XKR6: variants seen among roughly 807,000 people sequenced by gnomAD.
XKR6 encodes the protein XK related 6.
A neutral mutation model predicts 56.7 loss-of-function variants in XKR6; 22 were observed. That is an observed-to-expected ratio of 0.39 (90% CI 0.28 to 0.55). The LOEUF (loss-of-function observed/expected upper bound fraction) is 0.55, where lower values mean the gene tolerates loss of function less well. Ranked by LOEUF, XKR6 falls within the 20% of genes least tolerant of loss-of-function variation. The pLI is 0.66. For synonymous variants in XKR6, 524 were observed against 387.8 expected (o/e 1.35, Z -4.13); for missense variants, 852 against 889.0 (o/e 0.96, Z 0.53).
At chr8:11,128,059 G>A (rs1414624432) in intron 1 of XKR6, among the ~76,000 whole-genome samples, 1 of 152,176 alleles carries the variant, frequency 6.6e-6, no homozygotes, top group Middle Eastern at 3.2e-3. Flanking sequence ...GAAGAGTTAA[G>A]CCATCAAAAT....
rs1009517481 is a variant in XKR6 at position 11,200,509 on chromosome 8, C to A, written c.764+67G>T. ...TGGGCCCTTTCGAGGGGCCGCCCCGCGAAGCACCGGGAGGGCGGAGGGGGG... is the reference window on the plus strand; with the variant it reads ...TGGGCCCTTTCGAGGGGCCGCCCCGAGAAGCACCGGGAGGGCGGAGGGGGG... On this transcript the variant is annotated intron_variant, in intron 1 of 2. Transcript: ENST00000416569. The surrounding 1 kb of genome is among the most constrained non-coding windows in gnomAD (Gnocchi z 6.4). The A allele has an allele frequency of 5.8e-6, 8 of 1,379,604 alleles. No homozygotes were observed. Among genetic ancestry groups the A allele is most frequent in the South Asian group, 5.3e-5 (3 of 56,108 alleles). 85.5% of individuals were successfully genotyped at this position (1,379,604 alleles called of 1,614,324 possible).
chr8:11,075,000 G>C (rs1430358917), intron 1 of XKR6, among the ~76,000 whole-genome samples: 1 of 152,170 alleles, frequency 6.6e-6, no homozygotes, highest in East Asian at 1.9e-4. Flanking sequence ...GCAGAGCCTG[G>C]GGAGAGGAGA....
chr8:11,031,146 G>A (rs1248441255), intron 1 of XKR6, among the ~76,000 whole-genome samples: 1 of 152,188 alleles, frequency 6.6e-6, no homozygotes, highest in African/African-American at 2.4e-5. Context: ...ACCAGAGGTG[G>A]GCTCCTGATC....
chr8:10,924,658 T>G lies in XKR6; in HGVS notation c.937A>C (p.Lys313Gln). The stretch of plus-strand genomic sequence containing the variant: ...CAGGGCAGGGTCTCGGCGCTGTTCT[T>G]CTGGAGCATGATGTAGAGCTGTAGC... The part of the protein sequence containing the change: ...LVLQLYIMLQ[K>Q]NSAETLPCVS... The change falls in exon 2 of 3, where the codon AAG becomes CAG. Residue 313 changes from lysine to glutamine, a missense_variant. Transcript: ENST00000416569. 1.9e-6 allele frequency: 3 copies of G among 1,609,586 alleles called. No homozygotes were observed. The highest frequency in any genetic ancestry group is 2.5e-6 in the Non-Finnish European group (3 of 1,177,476).
intron 1 of XKR6, among the ~76,000 whole-genome samples, chr8:10,951,691 G>C (rs1406786659): frequency 2.0e-5 from 3 of 152,234 alleles, no homozygotes; most frequent in Admixed American, 6.5e-5. Context: ...GGGGATCTGG[G>C]AGGCGCTGCC....
At chr8:11,193,536 T>C (rs1052619396) in intron 1 of XKR6, among the ~76,000 whole-genome samples, 1 of 152,210 alleles carries the variant, frequency 6.6e-6, no homozygotes, top group African/African-American at 2.4e-5. Context: ...CCATCTTTCC[T>C]AAAAATTCGA....
chr8:11,132,667 T>C (rs1800162799), intron 1 of XKR6, among the ~76,000 whole-genome samples: 1 of 152,014 alleles, frequency 6.6e-6, no homozygotes, highest in Non-Finnish European at 1.5e-5. Flanking sequence ...TGGTCAACTT[T>C]GTTACTTAAA....
intron 1 of XKR6, among the ~76,000 whole-genome samples, chr8:11,016,070 C>T (rs925817090): frequency 6.6e-6 from 1 of 152,198 alleles, no homozygotes; most frequent in Non-Finnish European, 1.5e-5. Context: ...ACTGCGCCCC[C>T]ACAAGCCCCG....
At chr8:10,969,861 G>A (rs938275602) in intron 1 of XKR6, among the ~76,000 whole-genome samples, 1 of 152,238 alleles carries the variant, frequency 6.6e-6, no homozygotes, top group African/African-American at 2.4e-5. Flanking sequence ...TTTATTTGCA[G>A]TGCAGCCCGA....
At chr8:11,033,264 G>T (rs767567947) in intron 1 of XKR6, among the ~76,000 whole-genome samples, 11 of 152,014 alleles carry the variant, frequency 7.2e-5, no homozygotes, top group Non-Finnish European at 1.6e-4. Flanking sequence ...TGCTAATGAT[G>T]ATGATGGCGA....
intron 1 of XKR6, among the ~76,000 whole-genome samples, chr8:10,964,048 G>A (rs1274744311): frequency 6.6e-6 from 1 of 152,158 alleles, no homozygotes; most frequent in Non-Finnish European, 1.5e-5. Context: ...TCTCAGCCCT[G>A]GGCCACCAAC....
chr8:10,897,669 T>G lies in XKR6; in HGVS notation c.*283A>C, dbSNP rs1250229214. On this transcript the variant is annotated 3_prime_UTR_variant, in exon 3 of 3. Coordinates refer to ENST00000416569, the MANE Select transcript of XKR6 (RefSeq NM_173683.4). ...ACCATAGCGTGGGATTTTTCAATAC[T>G]GTTTCTTATGTGTAAAAAACAAAAG... The G allele has an allele frequency of 3.2e-6, 1 of 313,728 alleles. No homozygotes were observed. The highest frequency in any genetic ancestry group is 5.8e-6 in the Non-Finnish European group (1 of 172,126). The allele number at this position is 313,728 out of a possible 1,614,324, so 19.4% of individuals were successfully genotyped here. A position where few individuals can be genotyped will look rare whatever the true frequency, so the allele number is the denominator to read the frequency against.
rs1798555105 is a variant in XKR6 at position 11,103,327 on chromosome 8, G to A, written c.764+97249C>T. Among the ~76,000 whole-genome samples, 6 of 152,272 alleles carry A rather than the reference G, an allele frequency of 3.9e-5. No homozygotes were observed. The South Asian group carries it at 1.2e-3, about 32-fold the overall frequency. Reference sequence around the variant, plus strand: ...CCTGCCTTAAACTTCCTAAAATCATGAAGAGATTCAAACATTCAGGAGTTC... The same window carrying A: ...CCTGCCTTAAACTTCCTAAAATCATAAAGAGATTCAAACATTCAGGAGTTC... On this transcript the variant is annotated intron_variant, in intron 1 of 2. Transcript: ENST00000416569.
chr8:11,158,938 T>A (rs901734967), intron 1 of XKR6, among the ~76,000 whole-genome samples: 5 of 152,186 alleles, frequency 3.3e-5, no homozygotes, highest in African/African-American at 1.2e-4. Context: ...TTCCTGCAAC[T>A]GAGGACCCGC....
intron 1 of XKR6, among the ~76,000 whole-genome samples, chr8:10,932,473 G>A (rs1331985971): frequency 1.4e-5 from 2 of 141,610 alleles, no homozygotes; most frequent in African/African-American, 2.7e-5. Context: ...TGTGCACATC[G>A]TGCAGGTTAG....
intron 1 of XKR6, among the ~76,000 whole-genome samples, chr8:11,139,626 G>A (rs564508273): frequency 1.3e-5 from 2 of 152,276 alleles, no homozygotes; most frequent in South Asian, 4.1e-4. Context: ...AGGAGAAAGT[G>A]CTGGGACTGG....
intron 1 of XKR6, among the ~76,000 whole-genome samples, chr8:10,941,490 T>G (rs1487657746): frequency 1.3e-5 from 2 of 152,190 alleles, no homozygotes; most frequent in African/African-American, 4.8e-5. Context: ...GCCAAGCACC[T>G]GTGTGAGCTG....
chr8:10,976,460 G>A (rs577307007), intron 1 of XKR6, among the ~76,000 whole-genome samples: 21 of 152,304 alleles, frequency 1.4e-4, no homozygotes, highest in African/African-American at 4.8e-4. Context: ...GACAGGACCT[G>A]AGAACCAGAT....
At chr8:11,181,241 G>A (rs943239784) in intron 1 of XKR6, among the ~76,000 whole-genome samples, 1 of 152,098 alleles carries the variant, frequency 6.6e-6, no homozygotes, top group East Asian at 1.9e-4. Context: ...AGTGGTGAAC[G>A]TTTTTCAGTC....
Sources: gnomAD v4.1 joint callset for allele counts (sites outside exome capture counted in the v4.1 genomes callset) on GRCh38, gnomAD v4.1.1 for gene constraint, Gnocchi (gnomAD v3.1) non-coding constraint, MANE v1.5 for transcripts, NCBI Gene and HGNC (gene_info 2026-07-23, HGNC 2026-07-21) for gene names.